Variants in ZNF609 observed in about 807,000 individuals in gnomAD.
ZNF609 encodes zinc finger protein 609.
In ZNF609, 11 loss-of-function variants were observed where a neutral mutation model predicts 109.5. The ratio of observed to expected loss-of-function variants is 0.10; its 90% CI spans 0.06 to 0.17. The LOEUF is 0.17. ZNF609 is among the 10% of genes least tolerant of loss of function. ZNF609 has a pLI of 1.00. For synonymous variants in ZNF609, 646 were observed against 662.0 expected, an observed-to-expected ratio of 0.98 and a Z score of 0.37; for missense variants, 1,559 against 1,772.4, an observed-to-expected ratio of 0.88 and a Z score of 2.16.
chr15:64,579,927 C>G (rs1895069380), intron 2 of ZNF609, among the ~76,000 whole-genome samples: 1 of 152,030 alleles, frequency 6.6e-6, no homozygotes. Flanking sequence ...AGAATACTGC[C>G]TCCTCCAAAA....
chr15:64,610,082 A>G (rs1895692828), intron 2 of ZNF609, among the ~76,000 whole-genome samples: 1 of 152,070 alleles, frequency 6.6e-6, no homozygotes. Flanking sequence ...CACACCTGTA[A>G]TCCTAGCACT....
chr15:64,610,163 C>T (rs149660339), intron 2 of ZNF609, among the ~76,000 whole-genome samples: 1 of 151,936 alleles, frequency 6.6e-6, no homozygotes, highest in African/African-American at 2.4e-5. Flanking sequence ...ATAGGGAGAC[C>T]CCCATCTTTA....
chr15:64,540,094 A>G (rs1257530371), intron 2 of ZNF609, among the ~76,000 whole-genome samples: 1 of 152,164 alleles, frequency 6.6e-6, no homozygotes, highest in Non-Finnish European at 1.5e-5. Flanking sequence ...TACTAGCTGG[A>G]TTATGATGTT....
chr15:64,680,336 T>C lies in ZNF609; in HGVS notation c.3921T>C (p.Ser1307=). The change falls in exon 7 of 10, where the codon AGT becomes AGC. Residue 1307 remains serine (S), a synonymous_variant. Transcript: ENST00000326648. The part of the protein sequence containing the change: ...KALDILQQHA[S]HYKSKSPTIS... ...TGGACATCTTGCAGCAGCATGCCAGTCACTACAAGAGCAAGTCTCCCACGG... is the reference window on the plus strand; with the variant it reads ...TGGACATCTTGCAGCAGCATGCCAGCCACTACAAGAGCAAGTCTCCCACGG... The C allele has an allele frequency of 6.2e-7, 1 of 1,614,184 alleles. No individual in the cohort carries two copies. The highest frequency in any genetic ancestry group is 8.5e-7 in the Non-Finnish European group (1 of 1,180,030).
intron 1 of ZNF609, among the ~76,000 whole-genome samples, chr15:64,483,092 TTTC>T (rs1026044819): frequency 2.6e-4 from 39 of 152,194 alleles, no homozygotes; most frequent in African/African-American, 8.4e-4. Context: ...CAGTTTTTTC[TTTC>T]TTTTTTTTTT....
At position 64,683,124 on chromosome 15, in the gene ZNF609, G is replaced by T. The variant is rs2083220362; in HGVS notation, c.*1438G>T. On this transcript the variant is annotated 3_prime_UTR_variant, in exon 10 of 10. Coordinates refer to ENST00000326648, the MANE Select transcript of ZNF609 (RefSeq NM_015042.2). Reference sequence around the variant, plus strand: ...TTATTGGGGTCATGTCTTCCCCAAGGTGTGGGGAGCTTAGCTTACTTGGCT... The same window carrying T: ...TTATTGGGGTCATGTCTTCCCCAAGTTGTGGGGAGCTTAGCTTACTTGGCT... 1 of 152,612 alleles carries T rather than the reference G, an allele frequency of 6.6e-6. No individual in the cohort carries two copies. Among genetic ancestry groups the T allele is most frequent in the Non-Finnish European group, 1.5e-5 (1 of 68,046 alleles). 9.5% of individuals were successfully genotyped at this position (152,612 alleles called of 1,614,324 possible).
chr15:64,511,705 A>G (rs1388371571), intron 2 of ZNF609, among the ~76,000 whole-genome samples: 1 of 151,530 alleles, frequency 6.6e-6, no homozygotes, highest in East Asian at 1.9e-4. Flanking sequence ...TGGAGACTCC[A>G]AGCATGTAAT....
intron 3 of ZNF609, among the ~76,000 whole-genome samples, chr15:64,653,634 A>G (rs1357909112): frequency 6.6e-6 from 1 of 152,120 alleles, no homozygotes; most frequent in East Asian, 1.9e-4. Context: ...CGACAGAGCT[A>G]GACTCCGTCT....
At chr15:64,508,198 ATATTT>A (rs747260531) in intron 2 of ZNF609, among the ~76,000 whole-genome samples, 113 of 152,328 alleles carry the variant, frequency 7.4e-4, no homozygotes, top group Non-Finnish European at 1.4e-3. Flanking sequence ...AAGTTCTATT[ATATTT>A]TAAGAGCCCA....
At position 64,508,389 on chromosome 15, in the gene ZNF609, T is replaced by A. The variant is rs1332928504; in HGVS notation, c.747+8223T>A. On this transcript the variant is annotated intron_variant, in intron 2 of 9. Coordinates refer to ENST00000326648, the MANE Select transcript of ZNF609 (RefSeq NM_015042.2). ...TTCCTTTTTCTGGATTTCATGTGCC[T>A]TCATGTTAGTGGTGCCATTGAAGCC... is the stretch of plus-strand genomic sequence containing the variant. Among the ~76,000 whole-genome samples the A allele has an allele frequency of 2.0e-5, 3 of 152,190 alleles. No homozygotes were observed. The East Asian group carries it at 5.8e-4, about 29-fold the overall frequency.
chr15:64,654,857 G>T (rs1366766473), intron 3 of ZNF609, among the ~76,000 whole-genome samples: 1 of 152,172 alleles, frequency 6.6e-6, no homozygotes, highest in Non-Finnish European at 1.5e-5. Flanking sequence ...AGCACTTTGG[G>T]AGGCCGAGGC....
chr15:64,556,042 G>A (rs1012235292), intron 2 of ZNF609, among the ~76,000 whole-genome samples: 6 of 148,500 alleles, frequency 4.0e-5, no homozygotes, highest in Admixed American at 6.7e-5. Flanking sequence ...CCCAGGCTGA[G>A]TACAGTGGCA....
intron 2 of ZNF609, chr15:64,528,999 G>T (rs980666561): frequency 6.6e-7 from 1 of 1,508,966 alleles, no homozygotes; most frequent in Non-Finnish European, 9.1e-7. Context: ...TGAGCTTCCC[G>T]TTCAGCTCAG....
At chr15:64,566,753 C>T (rs1473514251) in intron 2 of ZNF609, among the ~76,000 whole-genome samples, 1 of 152,174 alleles carries the variant, frequency 6.6e-6, no homozygotes, top group Non-Finnish European at 1.5e-5. Context: ...CCCAGTTTTA[C>T]CTTGGGTGAC....
intron 3 of ZNF609, among the ~76,000 whole-genome samples, chr15:64,669,786 C>T (rs1896699920): frequency 6.6e-6 from 1 of 152,020 alleles, no homozygotes; most frequent in Non-Finnish European, 1.5e-5. Flanking sequence ...TCCTGCCTCA[C>T]TCTCCTGAGT....
At chr15:64,461,741 A>T (rs1430132442) in intron 1 of ZNF609, among the ~76,000 whole-genome samples, 1 of 152,174 alleles carries the variant, frequency 6.6e-6, no homozygotes, top group Non-Finnish European at 1.5e-5. Flanking sequence ...TACCTAAATG[A>T]GAGTGAGAAA....
At chr15:64,621,557 T>C (rs186998012) in intron 2 of ZNF609, among the ~76,000 whole-genome samples, 6 of 152,240 alleles carry the variant, frequency 3.9e-5, no homozygotes, top group Admixed American at 1.3e-4. Context: ...GGTCTTGCTA[T>C]GTTACCCAGG....
At chr15:64,607,895 C>CT (rs71133457) in intron 2 of ZNF609, among the ~76,000 whole-genome samples, 7,601 of 12,272 alleles carry the variant, frequency 0.62, 2,858 homozygotes, top group Middle Eastern at 0.8. Context: ...TCTTTTCTTT[C>CT]TTTTTTTTTT....
chr15:64,647,648 A>G (rs1011673312), intron 3 of ZNF609, among the ~76,000 whole-genome samples: 5 of 152,202 alleles, frequency 3.3e-5, no homozygotes, highest in African/African-American at 1.2e-4. Context: ...TTAAATAACT[A>G]CAGAGTATTC....
Sources: gnomAD v4.1 joint callset for allele counts (sites outside exome capture counted in the v4.1 genomes callset) on GRCh38, gnomAD v4.1.1 for gene constraint, MANE v1.5 for transcripts, NCBI Gene and HGNC (gene_info 2026-07-23, HGNC 2026-07-21) for gene names.